PACS2: variants seen among roughly 807,000 people sequenced by gnomAD.
PACS2 encodes PACS1-like protein.
A neutral mutation model predicts 113.0 loss-of-function variants in PACS2; 36 were observed. The ratio of observed to expected loss-of-function variants is 0.32; its 90% confidence interval spans 0.24 to 0.42. PACS2 has a LOEUF of 0.42. Ranked by LOEUF, PACS2 falls within the 10% of genes least tolerant of loss-of-function variation. The pLI is 1.00. For synonymous variants in PACS2, 589 were observed against 536.1 expected, an observed-to-expected ratio of 1.10 and a Z score of -1.36; for missense variants, 1,015 against 1,239.5, an observed-to-expected ratio of 0.82 and a Z score of 2.72.
At chr14:105,368,607 C>A in intron 7 of PACS2, 68 bp downstream of exon 7, 3 of 1,214,878 alleles carry the variant, frequency 2.5e-6, no homozygotes, top group Non-Finnish European at 3.7e-6. Context: ...GGAGCCTGGG[C>A]GTGGGGGGGA....
intron 1 of PACS2, among the ~76,000 whole-genome samples, chr14:105,341,420 T>C (rs1371668553): frequency 6.6e-6 from 1 of 152,254 alleles, no homozygotes; most frequent in Non-Finnish European, 1.5e-5. Flanking sequence ...TGTGATTTTA[T>C]TTTATATTGA....
intron 1 of PACS2, among the ~76,000 whole-genome samples, chr14:105,325,260 G>A (rs909698591): frequency 7.2e-5 from 11 of 152,064 alleles, no homozygotes; most frequent in South Asian, 4.1e-4. Context: ...TCAGGGTAGC[G>A]GCTCTCTTCA....
At chr14:105,352,034 C>T (rs2060198929) in intron 2 of PACS2, among the ~76,000 whole-genome samples, 1 of 152,158 alleles carries the variant, frequency 6.6e-6, no homozygotes, top group African/African-American at 2.4e-5. Context: ...CAGATTTGTT[C>T]TGCCAGACAG....
upstream of PACS2, among the ~76,000 whole-genome samples, chr14:105,313,179 T>C (rs746578429): frequency 2.0e-5 from 3 of 152,218 alleles, no homozygotes; most frequent in Non-Finnish European, 4.4e-5. Flanking sequence ...AGGCACCATG[T>C]GTCAGGCGGC....
At chr14:105,333,137 ACACACACACCCATGCACGCGTGTG>A (rs1326711900) in intron 1 of PACS2, among the ~76,000 whole-genome samples, 1 of 152,108 alleles carries the variant, frequency 6.6e-6, no homozygotes, top group Non-Finnish European at 1.5e-5. Flanking sequence ...ATACACGTGC[ACACACACACCCATGCACGCGTGTG>A]CACACACACC....
chr14:105,338,655 T>G (rs1364539229), intron 1 of PACS2, among the ~76,000 whole-genome samples: 2 of 152,162 alleles, frequency 1.3e-5, no homozygotes, highest in African/African-American at 4.8e-5. Context: ...GGGCCAGGTG[T>G]CCATCCACCC....
intron 1 of PACS2, among the ~76,000 whole-genome samples, chr14:105,328,853 G>A (rs587622771): frequency 4.2e-4 from 64 of 152,342 alleles, no homozygotes; most frequent in African/African-American, 1.4e-3. Context: ...TAAGGGTCAC[G>A]AGGCAGGGCG....
chr14:105,331,305 T>C (rs1429104277), intron 1 of PACS2, among the ~76,000 whole-genome samples: 1 of 152,234 alleles, frequency 6.6e-6, no homozygotes, highest in Admixed American at 6.5e-5. Flanking sequence ...TGCGATGATA[T>C]AGTTGCATGT....
intron 1 of PACS2, among the ~76,000 whole-genome samples, chr14:105,308,021 A>C (rs977022179): frequency 1.3e-5 from 2 of 151,810 alleles, no homozygotes; most frequent in African/African-American, 4.8e-5. Context: ...CTGTCTCTAC[A>C]AAAAATTTAA....
At chr14:105,362,076 C>T (rs1217055725) in intron 4 of PACS2, among the ~76,000 whole-genome samples, 21 of 150,812 alleles carry the variant, frequency 1.4e-4, no homozygotes, top group African/African-American at 4.2e-4. Flanking sequence ...TGAGCGAGAT[C>T]GCACCATTGC....
chr14:105,347,535 C>G (rs1179048729), intron 1 of PACS2, among the ~76,000 whole-genome samples: 3 of 152,328 alleles, frequency 2.0e-5, no homozygotes, highest in African/African-American at 4.8e-5. Flanking sequence ...TGCCACAAGT[C>G]CAGACTTCCC....
intron 4 of PACS2, among the ~76,000 whole-genome samples, chr14:105,362,246 G>A (rs587658647): frequency 1.4e-3 from 214 of 148,964 alleles, no homozygotes; most frequent in Non-Finnish European, 2.6e-3. Context: ...GTGAAACACC[G>A]TCTCTACTGA....
rs1167240888 is a variant in PACS2 at position 105,392,161 on chromosome 14, G to C, written c.2255+395G>C. The stretch of plus-strand genomic sequence containing the variant: ...CCCGCTAGCCCGCCCGGGTCTCTCC[G>C]GAGCAGACCTCACTCAAGTGGAACT... On this transcript the variant is annotated intron_variant, in intron 22 of 24. Transcript: ENST00000447393. The C allele has an allele frequency of 4.3e-5, 14 of 327,028 alleles. No individual in the cohort carries two copies. The East Asian group carries it at 9.8e-4, about 23-fold the overall frequency. The allele number at this position is 327,028 out of a possible 1,614,324, so 20.3% of individuals were successfully genotyped here. A position where few individuals can be genotyped will look rare whatever the true frequency, so the allele number is the denominator to read the frequency against.
At chr14:105,375,384 C>T (rs183494024) in intron 8 of PACS2, among the ~76,000 whole-genome samples, 118 of 147,476 alleles carry the variant, frequency 8.0e-4, no homozygotes, top group African/African-American at 2.8e-3. Context: ...AGGCTGAGGC[C>T]GGAGAATGGC....
chr14:105,368,520 G>T lies in PACS2; in HGVS notation c.722G>T (p.Arg241Ile). The stretch of plus-strand genomic sequence containing the variant: ...AAGAAGCAGCGGAGATCGATTGTAA[G>T]AACGACGTCCATGACCAGGGTTGGT... ...KPKKQRRSIVRTTSMTRQQNF... is the reference protein window; with the variant it reads ...KPKKQRRSIVITTSMTRQQNF... Residue 241 changes from arginine to isoleucine, a missense_variant, in exon 7 of 25, where the codon AGA becomes ATA. Transcript: ENST00000447393. 4 of 1,613,934 alleles carry T rather than the reference G, an allele frequency of 2.5e-6. No homozygotes were observed. Among genetic ancestry groups the T allele is most frequent in the Non-Finnish European group, 3.4e-6 (4 of 1,179,854 alleles).
rs587712107 is a variant in PACS2 at position 105,354,246 on chromosome 14, G to A, written c.298-806G>A. On this transcript the variant is annotated intron_variant, in intron 3 of 24. Coordinates refer to ENST00000447393, the MANE Select transcript of PACS2 (RefSeq NM_001100913.3). This position sits in a 1 kb window ranked among gnomAD's most constrained non-coding sequence, Gnocchi z 4.2. ...GGAGGATTGCTTGAACCCAGGAGGT[G>A]GAGGTGACAGTGAGCCCGGCTAATT... 1.3e-4 allele frequency among the ~76,000 whole-genome samples: 20 copies of A among 152,274 alleles called. No individual in the cohort carries two copies. The East Asian group carries it at 2.7e-3, about 21-fold the overall frequency.
Position 105,356,345 on chromosome 14 carries a change from C to T in PACS2, c.423+1168C>T, listed in dbSNP as rs587676838. Among the ~76,000 whole-genome samples the T allele has an allele frequency of 3.3e-5, 5 of 152,320 alleles. No homozygotes were observed. Among genetic ancestry groups the T allele is most frequent in the East Asian group, 3.9e-4 (2 of 5,178 alleles). The stretch of plus-strand genomic sequence containing the variant: ...GGTACAGGAAGCAGCAGTGGCGTCC[C>T]GAGGCCTCGCTTCTCCGTGCCGCCG... On this transcript the variant is annotated intron_variant, in intron 4 of 24. Transcript: ENST00000447393. The surrounding 1 kb of genome is among the most constrained non-coding windows in gnomAD (Gnocchi z 4.0).
chr14:105,367,738 C>T (rs2060989363), intron 5 of PACS2, among the ~76,000 whole-genome samples: 1 of 152,206 alleles, frequency 6.6e-6, no homozygotes, highest in South Asian at 2.1e-4. Flanking sequence ...CAGGGCCTCC[C>T]CTACTCCTCA....
chr14:105,338,255 T>C (rs1169193625), intron 1 of PACS2, among the ~76,000 whole-genome samples: 1 of 152,158 alleles, frequency 6.6e-6, no homozygotes, highest in Non-Finnish European at 1.5e-5. Flanking sequence ...CCAGCTGACA[T>C]GGAAATGCCA....
Sources: gnomAD v4.1 joint callset for allele counts (sites outside exome capture counted in the v4.1 genomes callset) on GRCh38, gnomAD v4.1.1 for gene constraint, Gnocchi (gnomAD v3.1) non-coding constraint, MANE v1.5 for transcripts, NCBI Gene and HGNC (gene_info 2026-07-23, HGNC 2026-07-21) for gene names.